Variants in MBOAT2 observed in about 807,000 individuals in gnomAD.
The protein encoded by MBOAT2 is membrane-bound glycerophospholipid O-acyltransferase 2.
MBOAT2 carries 28 observed loss-of-function variants against 63.4 expected under a neutral mutation model. That is an observed-to-expected ratio of 0.44 (90% confidence interval 0.33 to 0.61). The LOEUF (loss-of-function observed/expected upper bound fraction) is 0.61, where lower values mean the gene tolerates loss of function less well. MBOAT2 is among the 20% of genes least tolerant of loss of function. The pLI is 0.03. For synonymous variants in MBOAT2, 211 were observed against 215.6 expected, an observed-to-expected ratio of 0.98 and a Z score of 0.19; for missense variants, 470 against 605.8, an observed-to-expected ratio of 0.78 and a Z score of 2.35.
intron 4 of MBOAT2, among the ~76,000 whole-genome samples, chr2:8,895,354 G>A (rs1049966109): frequency 6.6e-6 from 1 of 152,146 alleles, no homozygotes; most frequent in African/African-American, 2.4e-5. Flanking sequence ...CCGTTTTACA[G>A]AGTGCTGATT....
intron 4 of MBOAT2, among the ~76,000 whole-genome samples, chr2:8,907,243 T>C (rs1470541154): frequency 3.3e-5 from 5 of 152,352 alleles, no homozygotes; most frequent in African/African-American, 9.6e-5. Context: ...ATTTGTGTTG[T>C]CTGTTACTTT....
chr2:8,959,811 A>G (rs1669488151), intron 1 of MBOAT2, among the ~76,000 whole-genome samples: 1 of 152,226 alleles, frequency 6.6e-6, no homozygotes, highest in Non-Finnish European at 1.5e-5. Flanking sequence ...GAATCTTAGG[A>G]ATAATAGGCC....
chr2:8,974,423 T>C (rs563546955), intron 1 of MBOAT2: 1 of 456,516 alleles, frequency 2.2e-6, no homozygotes, highest in Non-Finnish European at 4.4e-6. Context: ...CCGGGAATCA[T>C]GTGGCGGGCA....
chr2:8,874,605 G>A (rs1213015596), intron 7 of MBOAT2, among the ~76,000 whole-genome samples: 1 of 152,182 alleles, frequency 6.6e-6, no homozygotes, highest in African/African-American at 2.4e-5. Context: ...TGTATCCTGA[G>A]AGGTGATATC....
At chr2:8,932,709 C>T (rs912261258) in intron 3 of MBOAT2, among the ~76,000 whole-genome samples, 1 of 151,732 alleles carries the variant, frequency 6.6e-6, no homozygotes, top group Non-Finnish European at 1.5e-5. Context: ...GTAACACTTC[C>T]TACACGGGAT....
intron 11 of MBOAT2, chr2:8,861,242 A>G (rs1422055538): frequency 3.9e-5 from 6 of 152,414 alleles, no homozygotes; most frequent in Admixed American, 3.9e-4. Context: ...TGGCTTTGCT[A>G]ATATGCAAGT....
chr2:8,929,910 T>C (rs1667199774), intron 3 of MBOAT2, among the ~76,000 whole-genome samples: 1 of 152,104 alleles, frequency 6.6e-6, no homozygotes, highest in Non-Finnish European at 1.5e-5. Flanking sequence ...AACATCTGAA[T>C]TTGTGCATGT....
At chr2:8,920,386 AT>A in intron 3 of MBOAT2, among the ~76,000 whole-genome samples, 1 of 152,196 alleles carries the variant, frequency 6.6e-6, no homozygotes, top group Non-Finnish European at 1.5e-5. Context: ...TGTTGCAATG[AT>A]TTATATGTCT....
intron 8 of MBOAT2, among the ~76,000 whole-genome samples, chr2:8,869,345 C>A (rs1662144248): frequency 6.6e-6 from 1 of 152,024 alleles, no homozygotes; most frequent in Non-Finnish European, 1.5e-5. Flanking sequence ...CCGCACCCGA[C>A]CCAGAATTTG....
intron 3 of MBOAT2, among the ~76,000 whole-genome samples, chr2:8,933,712 T>C (rs1667477526): frequency 6.6e-6 from 1 of 152,202 alleles, no homozygotes; most frequent in South Asian, 2.1e-4. Context: ...AGTCCTGAAC[T>C]GGCAGAGCCC....
intron 2 of MBOAT2, among the ~76,000 whole-genome samples, chr2:8,951,545 A>G (rs975122214): frequency 6.6e-6 from 1 of 152,154 alleles, no homozygotes; most frequent in Non-Finnish European, 1.5e-5. Context: ...TCAGCTGTGA[A>G]TCTATCTGGT....
chr2:8,961,159 G>A (rs1029503815), intron 1 of MBOAT2, among the ~76,000 whole-genome samples: 3 of 152,074 alleles, frequency 2.0e-5, no homozygotes, highest in African/African-American at 7.2e-5. Context: ...TAGAAAACTG[G>A]GCAAAAGGAA....
intron 8 of MBOAT2, 106 bp downstream of exon 8, chr2:8,873,002 C>T: frequency 2.1e-6 from 2 of 954,874 alleles, no homozygotes; most frequent in African/African-American, 1.7e-5. Context: ...TTAATTTTTC[C>T]AATTGGTCTT....
intron 1 of MBOAT2, among the ~76,000 whole-genome samples, chr2:8,983,379 T>C (rs532997117): frequency 6.6e-6 from 1 of 152,164 alleles, no homozygotes; most frequent in African/African-American, 2.4e-5. Flanking sequence ...TAAACAGCCC[T>C]GTAACTGTTA....
chr2:8,860,294 G>T (rs1322144609), intron 12 of MBOAT2, among the ~76,000 whole-genome samples: 1 of 151,510 alleles, frequency 6.6e-6, no homozygotes, highest in Non-Finnish European at 1.5e-5. Context: ...TTTAGGAGAG[G>T]TTAGCTGGTT....
intron 7 of MBOAT2, among the ~76,000 whole-genome samples, chr2:8,876,140 C>T (rs1007379389): frequency 2.2e-4 from 34 of 152,326 alleles, no homozygotes; most frequent in African/African-American, 8.2e-4. Flanking sequence ...CTAACAGAAA[C>T]TTAGCCTATA....
chr2:8,954,656 T>C (rs1242427269), intron 2 of MBOAT2, among the ~76,000 whole-genome samples: 1 of 152,228 alleles, frequency 6.6e-6, no homozygotes, highest in Non-Finnish European at 1.5e-5. Flanking sequence ...ACAGACAGGA[T>C]ACCCTTGAAC....
rs180682421 is a variant in MBOAT2 at position 8,889,369 on chromosome 2, T to C, written c.396-1296A>G. 5.9e-5 allele frequency among the ~76,000 whole-genome samples: 9 copies of C among 152,338 alleles called. No homozygotes were observed. The East Asian group carries it at 1.7e-3, about 29-fold the overall frequency. ...CTTGAGAAGCTACAGCTCATTCTCC[T>C]CAACTAACGGGAAGGTCTCATCAAT... On this transcript the variant is annotated intron_variant, in intron 4 of 12. Coordinates refer to ENST00000305997, the MANE Select transcript of MBOAT2 (RefSeq NM_138799.4).
At chr2:8,937,512 G>A (rs1667751638) in intron 3 of MBOAT2, among the ~76,000 whole-genome samples, 1 of 152,190 alleles carries the variant, frequency 6.6e-6, no homozygotes, top group Non-Finnish European at 1.5e-5. Context: ...ATTCTCTGAA[G>A]GAAAGGAACA....
Sources: gnomAD v4.1 joint callset for allele counts (sites outside exome capture counted in the v4.1 genomes callset) on GRCh38, gnomAD v4.1.1 for gene constraint, MANE v1.5 for transcripts, NCBI Gene and HGNC (gene_info 2026-07-23, HGNC 2026-07-21) for gene names.